CNTN5: variants seen among roughly 807,000 people sequenced by gnomAD.
CNTN5 encodes the protein contactin-5.
A neutral mutation model predicts 129.1 loss-of-function variants in CNTN5; 77 were observed. The ratio of observed to expected loss-of-function variants is 0.60; its 90% CI spans 0.50 to 0.72. The LOEUF is 0.72. Among genes scored for constraint, CNTN5 ranks in the 30% least tolerant of loss-of-function variants. The probability of loss-of-function intolerance (pLI) is 0.00; values close to 1 mark genes in which losing one functional copy is unlikely to be tolerated. For missense variants in CNTN5, 1,478 were observed against 1,328.8 expected, an observed-to-expected ratio of 1.11 and a Z score of -1.75; for synonymous variants, 509 against 465.6, an observed-to-expected ratio of 1.09 and a Z score of -1.20.
chr11:99,188,934 T>C (rs757042864), intron 1 of CNTN5, among the ~76,000 whole-genome samples: 6 of 151,734 alleles, frequency 4.0e-5, no homozygotes, highest in Non-Finnish European at 7.4e-5. Context: ...TGTTGTACAA[T>C]AGATCTCTTG....
chr11:99,110,096 G>T (rs901949168), intron 1 of CNTN5, among the ~76,000 whole-genome samples: 30 of 152,068 alleles, frequency 2.0e-4, no homozygotes, highest in African/African-American at 7.2e-4. Flanking sequence ...AGGGAACCTC[G>T]CTCGGAGTGC....
intron 15 of CNTN5, among the ~76,000 whole-genome samples, chr11:100,220,054 G>C (rs144697535): frequency 0.025 from 3,806 of 151,968 alleles, 57 homozygotes; most frequent in Non-Finnish European, 0.037. Context: ...GAGGTGGGTG[G>C]ATCATGAGGT....
intron 1 of CNTN5, among the ~76,000 whole-genome samples, chr11:99,245,052 T>G (rs1861747963): frequency 6.6e-6 from 1 of 152,196 alleles, no homozygotes; most frequent in African/African-American, 2.4e-5. Flanking sequence ...CAAAGTAATG[T>G]TTTTGTGATA....
chr11:99,478,556 A>G (rs560579154), intron 2 of CNTN5, among the ~76,000 whole-genome samples: 5 of 152,120 alleles, frequency 3.3e-5, no homozygotes, highest in Middle Eastern at 3.4e-3. Context: ...GGAGGAGGGG[A>G]TCTTTGAGGG....
At chr11:99,380,246 A>G (rs1396357369) in intron 2 of CNTN5, among the ~76,000 whole-genome samples, 1 of 152,108 alleles carries the variant, frequency 6.6e-6, no homozygotes, top group Non-Finnish European at 1.5e-5. Flanking sequence ...TTTTTTTCAG[A>G]GAATACTACA....
intron 9 of CNTN5, among the ~76,000 whole-genome samples, chr11:100,029,954 A>T (rs1435527262): frequency 6.6e-6 from 1 of 152,188 alleles, no homozygotes; most frequent in East Asian, 1.9e-4. Context: ...GCTTTACTTG[A>T]ATGGAAATTC....
intron 2 of CNTN5, among the ~76,000 whole-genome samples, chr11:99,441,088 G>C (rs765648148): frequency 6.6e-6 from 1 of 152,106 alleles, no homozygotes; most frequent in Non-Finnish European, 1.5e-5. Flanking sequence ...CCAAGTAGCT[G>C]GGATTACAGG....
rs59836929 is a variant in CNTN5 at position 99,124,505 on chromosome 11, T to G, written c.-210+103235T>G. ...TGTATATAGCACTAAACGCCCACATTAAAAAGTTAGAAAGGTCTCCAATTA... is the reference window on the plus strand; with the variant it reads ...TGTATATAGCACTAAACGCCCACATGAAAAAGTTAGAAAGGTCTCCAATTA... On this transcript the variant is annotated intron_variant, in intron 1 of 24. Coordinates refer to ENST00000524871, the MANE Select transcript of CNTN5 (RefSeq NM_014361.4). Among the ~76,000 whole-genome samples the G allele has an allele frequency of 5.3e-3, 804 of 152,060 alleles. 9 individuals are homozygous for G. The highest frequency in any genetic ancestry group is 0.019 in the African/African-American group (779 of 41,516).
chr11:99,049,214 A>T (rs1046796981), intron 1 of CNTN5, among the ~76,000 whole-genome samples: 3 of 152,162 alleles, frequency 2.0e-5, no homozygotes, highest in Admixed American at 2.0e-4. Flanking sequence ...TTACTTAATA[A>T]ATTGAAGTTG....
chr11:99,337,413 G>A (rs941444341), intron 2 of CNTN5, among the ~76,000 whole-genome samples: 1 of 152,190 alleles, frequency 6.6e-6, no homozygotes, highest in Non-Finnish European at 1.5e-5. Context: ...CCAGTCATTA[G>A]CATTGTTTCT....
At chr11:100,323,962 A>C (rs1319008522) in intron 21 of CNTN5, among the ~76,000 whole-genome samples, 1 of 152,152 alleles carries the variant, frequency 6.6e-6, no homozygotes, top group Non-Finnish European at 1.5e-5. Context: ...CTAGTTAGTA[A>C]ATTTTAAAGA....
At chr11:99,847,176 C>T (rs1215598361) in intron 6 of CNTN5, among the ~76,000 whole-genome samples, 1 of 152,126 alleles carries the variant, frequency 6.6e-6, no homozygotes, top group Non-Finnish European at 1.5e-5. Context: ...AGTTGTTTTT[C>T]CCTTTGTGGA....
intron 7 of CNTN5, among the ~76,000 whole-genome samples, chr11:99,942,214 C>G (rs1261188354): frequency 2.6e-5 from 4 of 151,930 alleles, no homozygotes; most frequent in African/African-American, 7.3e-5. Context: ...AAGTGTATGA[C>G]AGAGTTCCTG....
chr11:99,861,312 T>C (rs537786149), intron 6 of CNTN5, among the ~76,000 whole-genome samples: 2 of 152,154 alleles, frequency 1.3e-5, no homozygotes, highest in Non-Finnish European at 2.9e-5. Flanking sequence ...ATAGTTCTCC[T>C]TGGAGAGATC....
chr11:99,344,203 G>A (rs1041135578), intron 2 of CNTN5, among the ~76,000 whole-genome samples: 2 of 152,126 alleles, frequency 1.3e-5, no homozygotes, highest in African/African-American at 2.4e-5. Context: ...TTTGTCCACC[G>A]ATAGATCGAT....
At chr11:100,073,033 A>C (rs1943990762) in intron 12 of CNTN5, among the ~76,000 whole-genome samples, 1 of 141,388 alleles carries the variant, frequency 7.1e-6, no homozygotes, top group Non-Finnish European at 1.5e-5. Context: ...CTATCTCCTC[A>C]TAAATTTCTT....
At chr11:100,080,147 G>T (rs1241619068) in intron 13 of CNTN5, among the ~76,000 whole-genome samples, 1 of 152,020 alleles carries the variant, frequency 6.6e-6, no homozygotes, top group Non-Finnish European at 1.5e-5. Context: ...CACAATTATT[G>T]AAATTTCAAC....
chr11:99,881,126 G>A (rs1167843314), intron 6 of CNTN5, among the ~76,000 whole-genome samples: 1 of 152,122 alleles, frequency 6.6e-6, no homozygotes, highest in Non-Finnish European at 1.5e-5. Context: ...CATTAATAGA[G>A]GTATGTTTCT....
chr11:99,777,801 T>C (rs1301766424), intron 3 of CNTN5, among the ~76,000 whole-genome samples: 1 of 151,802 alleles, frequency 6.6e-6, no homozygotes, highest in East Asian at 1.9e-4. Flanking sequence ...TTTTACATGA[T>C]ATTTTATAGT....
Sources: gnomAD v4.1 joint callset for allele counts (sites outside exome capture counted in the v4.1 genomes callset) on GRCh38, gnomAD v4.1.1 for gene constraint, MANE v1.5 for transcripts, NCBI Gene and HGNC (gene_info 2026-07-23, HGNC 2026-07-21) for gene names.